MIPOL1: variants seen among roughly 807,000 people sequenced by gnomAD.
MIPOL1 encodes mirror-image polydactyly 1, also known as mirror-image polydactyly gene 1 protein.
A neutral mutation model predicts 60.9 loss-of-function variants in MIPOL1; 57 were observed. The observed-to-expected ratio is 0.94, with a 90% CI of 0.76 to 1.17. The LOEUF is 1.17. MIPOL1 is among the 50% of genes most tolerant of loss of function. The probability of loss-of-function intolerance (pLI) is 0.00; values close to 1 mark genes in which losing one functional copy is unlikely to be tolerated. For missense variants in MIPOL1, 551 were observed against 511.6 expected (o/e 1.08, Z -0.74); for synonymous variants, 179 against 168.8 (o/e 1.06, Z -0.47).
At chr14:37,222,886 T>G (rs752523523) in intron 1 of MIPOL1, among the ~76,000 whole-genome samples, 1 of 152,186 alleles carries the variant, frequency 6.6e-6, no homozygotes, top group East Asian at 1.9e-4. Flanking sequence ...ATATTTGTTA[T>G]ATAGCAACAG....
intron 11 of MIPOL1, among the ~76,000 whole-genome samples, chr14:37,426,590 T>TATATATATATATATAC (rs1220983589): frequency 2.2e-5 from 3 of 138,548 alleles, no homozygotes; most frequent in Admixed American, 1.5e-4. Context: ...TATATATATA[T>TATATATATATATATAC]ATATACACAC....
chr14:37,312,742 T>C (rs923319849), intron 9 of MIPOL1, among the ~76,000 whole-genome samples: 6 of 152,130 alleles, frequency 3.9e-5, no homozygotes, highest in Admixed American at 3.3e-4. Context: ...AAAATTATAA[T>C]TAGCAATTGT....
intron 11 of MIPOL1, among the ~76,000 whole-genome samples, chr14:37,494,170 A>C (rs902038609): frequency 2.0e-5 from 3 of 152,308 alleles, no homozygotes; most frequent in African/African-American, 7.2e-5. Flanking sequence ...AGAATTATAG[A>C]TGTTTTGATT....
At chr14:37,479,291 T>C (rs2094825235) in intron 11 of MIPOL1, among the ~76,000 whole-genome samples, 1 of 152,118 alleles carries the variant, frequency 6.6e-6, no homozygotes, top group Admixed American at 6.6e-5. Context: ...AGATCACCTG[T>C]TGGAGCACAA....
intron 9 of MIPOL1, among the ~76,000 whole-genome samples, chr14:37,345,181 G>A (rs1221374910): frequency 1.3e-5 from 2 of 152,120 alleles, no homozygotes; most frequent in Non-Finnish European, 1.5e-5. Context: ...GCAGCTCACT[G>A]CAGCCTTGAC....
chr14:37,380,367 A>G (rs910726856), intron 10 of MIPOL1, among the ~76,000 whole-genome samples: 3 of 152,152 alleles, frequency 2.0e-5, no homozygotes, highest in African/African-American at 7.2e-5. Flanking sequence ...CAGTCTTTGC[A>G]TACCAAATGT....
chr14:37,520,710 T>C (rs1271250238), intron 12 of MIPOL1, among the ~76,000 whole-genome samples: 2 of 152,104 alleles, frequency 1.3e-5, no homozygotes, highest in African/African-American at 2.4e-5. Context: ...TTTATAACTT[T>C]TATTTAAAAC....
intron 10 of MIPOL1, among the ~76,000 whole-genome samples, chr14:37,381,094 T>G (rs548053535): frequency 1.9e-4 from 29 of 152,204 alleles, no homozygotes; most frequent in African/African-American, 7.0e-4. Flanking sequence ...GGTGGTAGAA[T>G]GAAATTGTTT....
At chr14:37,298,307 G>A (rs921600555) in intron 7 of MIPOL1, among the ~76,000 whole-genome samples, 13 of 151,852 alleles carry the variant, frequency 8.6e-5, no homozygotes, top group African/African-American at 3.1e-4. Context: ...AATTCAAGAT[G>A]GATTAAAGAC....
At chr14:37,332,788 TC>T (rs1425004306) in intron 9 of MIPOL1, among the ~76,000 whole-genome samples, 2 of 152,164 alleles carry the variant, frequency 1.3e-5, no homozygotes, top group Non-Finnish European at 2.9e-5. Flanking sequence ...TTGGAGTACT[TC>T]CAACATCACT....
chr14:37,253,242 A>G (rs1182751306), intron 3 of MIPOL1, among the ~76,000 whole-genome samples: 1 of 151,810 alleles, frequency 6.6e-6, no homozygotes. Flanking sequence ...ACAGGTTTGG[A>G]GCTAAACATA....
chr14:37,302,357 C>A (rs1283586962), intron 7 of MIPOL1, among the ~76,000 whole-genome samples: 1 of 144,888 alleles, frequency 6.9e-6, no homozygotes, highest in Non-Finnish European at 1.5e-5. Context: ...TCCCTGATGA[C>A]AAATCATATT....
intron 9 of MIPOL1, among the ~76,000 whole-genome samples, chr14:37,344,674 A>T (rs940064318): frequency 6.6e-6 from 1 of 152,162 alleles, no homozygotes; most frequent in East Asian, 1.9e-4. Context: ...ATTAGTTAGA[A>T]TATTTCTCTA....
chr14:37,247,032 C>A (rs980472342), intron 1 of MIPOL1, 71 bp from the exon 2 acceptor site: 2 of 152,332 alleles, frequency 1.3e-5, no homozygotes, highest in Admixed American at 6.6e-5. Context: ...CCTTTTTGGG[C>A]AATATGTAGG....
intron 7 of MIPOL1, among the ~76,000 whole-genome samples, chr14:37,298,341 A>T (rs1277891121): frequency 6.6e-5 from 10 of 151,772 alleles, no homozygotes; most frequent in Non-Finnish European, 1.2e-4. Context: ...CTAAAACCAT[A>T]AAAACCCTAC....
chr14:37,416,336 C>T (rs1308844312), intron 10 of MIPOL1, among the ~76,000 whole-genome samples: 1 of 152,044 alleles, frequency 6.6e-6, no homozygotes, highest in Non-Finnish European at 1.5e-5. Flanking sequence ...GTATCACTTA[C>T]AGTGGGGATA....
chr14:37,213,354 A>G (rs1475592449), intron 1 of MIPOL1, among the ~76,000 whole-genome samples: 1 of 152,214 alleles, frequency 6.6e-6, no homozygotes. Flanking sequence ...TGTCAGATAC[A>G]TTTAACAAAG....
At chr14:37,223,982 G>T (rs1969270885) in intron 1 of MIPOL1, among the ~76,000 whole-genome samples, 1 of 152,132 alleles carries the variant, frequency 6.6e-6, no homozygotes, top group Non-Finnish European at 1.5e-5. Flanking sequence ...TTATTTTGGA[G>T]ATTTTACTAG....
rs779823462 is a variant in MIPOL1, at chr14:37,546,984, GAC to G, written c.*15_*16del. On this transcript the variant is annotated 3_prime_UTR_variant, in exon 13 of 13. Transcript: ENST00000684589. ...GACAGTGATCTGATTGAAAAAAAAC[GAC>G]AGTCTGGGGAAGCGATCACATCTGG... 1.3e-6 allele frequency: 2 copies of G among 1,552,848 alleles called. No individual in the cohort carries two copies. The highest frequency in any genetic ancestry group is 2.2e-5 in the South Asian group (2 of 89,492).
Sources: allele counts gnomAD v4.1 joint callset (sites outside exome capture counted in the v4.1 genomes callset), GRCh38; gene constraint gnomAD v4.1.1; transcripts MANE v1.5; gene names NCBI Gene and HGNC (gene_info 2026-07-23, HGNC 2026-07-21).